The following KCNMA1 variants were observed in gnomAD, a reference collection of about 807,000 sequenced individuals.
The protein encoded by KCNMA1 is Calcium-activated potassium channel subunit alpha-1.
KCNMA1 carries 29 observed loss-of-function variants against 140.0 expected under a neutral mutation model. The observed-to-expected ratio is 0.21, with a 90% CI of 0.15 to 0.28. KCNMA1 has a LOEUF of 0.28. KCNMA1 is among the 10% of genes least tolerant of loss of function. KCNMA1 has a pLI of 1.00. For synonymous variants in KCNMA1, 612 were observed against 611.9 expected (o/e 1.00, Z 0.00); for missense variants, 880 against 1,602.2 (o/e 0.55, Z 7.70).
At chr10:77,421,367 G>A (rs1378828115) in intron 1 of KCNMA1, among the ~76,000 whole-genome samples, 2 of 152,154 alleles carry the variant, frequency 1.3e-5, no homozygotes, top group Non-Finnish European at 2.9e-5. Context: ...TGTGGTCTTT[G>A]CACTGCTCCT....
chr10:77,610,427 C>T (rs1266006461), intron 1 of KCNMA1, among the ~76,000 whole-genome samples: 4 of 152,250 alleles, frequency 2.6e-5, no homozygotes, highest in South Asian at 4.1e-4. Flanking sequence ...CTCACTGAGC[C>T]GCAGCCTCGG....
rs1217359840 is a variant in KCNMA1 at position 77,252,766 on chromosome 10, A to T, written c.541-1510T>A. On this transcript the variant is annotated intron_variant, in intron 2 of 27. Coordinates refer to ENST00000286628, the MANE Select transcript of KCNMA1 (RefSeq NM_001161352.2). ...TGCACAGCCCAGAAAATGACCATTA[A>T]AAACAATTGGACACTGTAAAAGGAA... Among the ~76,000 whole-genome samples, 3 of 152,186 alleles carry T rather than the reference A, an allele frequency of 2.0e-5. No individual in the cohort carries two copies. The East Asian group carries it at 5.8e-4, about 29-fold the overall frequency.
chr10:76,991,796 T>A (rs2082852273), intron 19 of KCNMA1, among the ~76,000 whole-genome samples: 1 of 152,216 alleles, frequency 6.6e-6, no homozygotes, highest in African/African-American at 2.4e-5. Context: ...TGACTGAGTG[T>A]GATCCAACAG....
intron 1 of KCNMA1, among the ~76,000 whole-genome samples, chr10:77,521,113 C>T (rs2053232620): frequency 6.6e-6 from 1 of 152,150 alleles, no homozygotes; most frequent in African/African-American, 2.4e-5. Flanking sequence ...TGAGAAAGAA[C>T]CATAACACAC....
At chr10:76,909,238 T>C (rs1210930940) in intron 25 of KCNMA1, among the ~76,000 whole-genome samples, 2 of 152,142 alleles carry the variant, frequency 1.3e-5, no homozygotes, top group Non-Finnish European at 2.9e-5. Flanking sequence ...TTAATTGTAC[T>C]GCCCAATACC....
chr10:77,174,748 G>A (rs1234718093), intron 5 of KCNMA1, among the ~76,000 whole-genome samples: 1 of 151,750 alleles, frequency 6.6e-6, no homozygotes, highest in East Asian at 1.9e-4. Flanking sequence ...TCTGACGTTA[G>A]CATAGGCTTC....
Position 76,885,527 on chromosome 10 carries a change from CG to C in KCNMA1, c.*1738del, listed in dbSNP as rs1564696815. 2.0e-6 allele frequency: 2 copies of C among 985,016 alleles called. No individual in the cohort carries two copies. Among genetic ancestry groups the C allele is most frequent in the African/African-American group, 1.8e-5 (1 of 57,112 alleles). The allele number at this position is 985,016 out of a possible 1,614,324, so 61.0% of individuals were successfully genotyped here. A position where few individuals can be genotyped will look rare whatever the true frequency, so the allele number is the denominator to read the frequency against. On this transcript the variant is annotated 3_prime_UTR_variant, in exon 28 of 28. Coordinates refer to ENST00000286628, the MANE Select transcript of KCNMA1 (RefSeq NM_001161352.2). Reference sequence around the variant, plus strand: ...TCCAAAACTATCATGCTTGAGGGGACGGGGGATCCAAAATCTAAATCCAAAA... The same window carrying C: ...TCCAAAACTATCATGCTTGAGGGGACGGGGATCCAAAATCTAAATCCAAAA...
At chr10:77,322,817 G>C (rs1297587203) in intron 2 of KCNMA1, among the ~76,000 whole-genome samples, 1 of 152,086 alleles carries the variant, frequency 6.6e-6, no homozygotes, top group Non-Finnish European at 1.5e-5. Context: ...CTCTATGCTA[G>C]AGCCTGGCTA....
chr10:77,036,758 CTTT>C (rs1438811342), intron 15 of KCNMA1, among the ~76,000 whole-genome samples: 1 of 152,144 alleles, frequency 6.6e-6, no homozygotes, highest in Non-Finnish European at 1.5e-5. Flanking sequence ...TACGGCTGTG[CTTT>C]AATTAACCTG....
intron 5 of KCNMA1, 108 bp from the exon 6 acceptor site, chr10:77,121,156 C>A: frequency 1.3e-6 from 1 of 748,382 alleles, no homozygotes; most frequent in East Asian, 2.6e-5. Flanking sequence ...ATGGGAAGTT[C>A]TTGCAGAAGA....
intron 1 of KCNMA1, among the ~76,000 whole-genome samples, chr10:77,600,471 G>A (rs765364950): frequency 7.9e-5 from 12 of 152,094 alleles, no homozygotes; most frequent in Admixed American, 1.3e-4. Context: ...CACAGAGGCC[G>A]GGCACAGTGG....
intron 3 of KCNMA1, among the ~76,000 whole-genome samples, chr10:77,218,602 C>T (rs189273137): frequency 3.9e-5 from 6 of 152,236 alleles, no homozygotes; most frequent in East Asian, 1.9e-4. Flanking sequence ...ATGTAGAGCC[C>T]GCAAATATCC....
intron 9 of KCNMA1, among the ~76,000 whole-genome samples, chr10:77,103,048 G>C (rs1418844675): frequency 1.3e-5 from 2 of 152,194 alleles, no homozygotes; most frequent in African/African-American, 4.8e-5. Context: ...GGAATGGACA[G>C]TGAGGCAGGT....
intron 2 of KCNMA1, among the ~76,000 whole-genome samples, chr10:77,387,235 G>A (rs1006513653): frequency 3.3e-5 from 5 of 152,184 alleles, no homozygotes. Flanking sequence ...AAAATCTGAA[G>A]TCAGGCTGCA....
chr10:77,025,242 G>GTATGTGTATATATATA (rs1555136871), intron 16 of KCNMA1, among the ~76,000 whole-genome samples: 1 of 42,742 alleles, frequency 2.3e-5, no homozygotes, highest in African/African-American at 7.7e-5. Context: ...GGGTGTGTGT[G>GTATGTGTATATATATA]TATATATATA....
At chr10:77,384,939 G>C (rs1052035163) in intron 2 of KCNMA1, among the ~76,000 whole-genome samples, 5 of 152,206 alleles carry the variant, frequency 3.3e-5, no homozygotes, top group African/African-American at 1.2e-4. Context: ...TGAGATCCCA[G>C]ATTTAAATCT....
At chr10:77,617,419 A>G (rs1221674976) in intron 1 of KCNMA1, among the ~76,000 whole-genome samples, 2 of 152,216 alleles carry the variant, frequency 1.3e-5, no homozygotes, top group African/African-American at 4.8e-5. Context: ...GCCAACGTAA[A>G]CCAGTGACAA....
At position 77,062,495 on chromosome 10, in the gene KCNMA1, G is replaced by C. The variant is rs192509111; in HGVS notation, c.1749+10602C>G. Among the ~76,000 whole-genome samples the C allele has an allele frequency of 4.9e-4, 75 of 152,234 alleles. 1 individual carries two copies. Among genetic ancestry groups the C allele is most frequent in the African/African-American group, 1.6e-3 (68 of 41,538 alleles). ...CTGCTTCCTTCTTTCAAATGGTTGA[G>C]ACTAAACTTTATAGCTTTCTTACAT... On this transcript the variant is annotated intron_variant, in intron 14 of 27. Coordinates refer to ENST00000286628, the MANE Select transcript of KCNMA1 (RefSeq NM_001161352.2).
intron 3 of KCNMA1, 29 bp from the exon 4 acceptor site, chr10:77,184,945 A>T: frequency 7.4e-7 from 1 of 1,358,432 alleles, no homozygotes; most frequent in Non-Finnish European, 1.1e-6. Context: ...AAAAAGCAAG[A>T]GGTAAATGAC....
Sources: allele counts gnomAD v4.1 joint callset (sites outside exome capture counted in the v4.1 genomes callset), GRCh38; gene constraint gnomAD v4.1.1; transcripts MANE v1.5; gene names NCBI Gene and HGNC (gene_info 2026-07-23, HGNC 2026-07-21).